The following SLC10A7 variants were observed in gnomAD, a reference collection of about 807,000 sequenced individuals.
The protein encoded by SLC10A7 is sodium/bile acid cotransporter 7.
Under a neutral mutation model 43.2 loss-of-function variants are expected in SLC10A7, and 29 were observed. That is an observed-to-expected ratio of 0.67 (90% CI 0.50 to 0.92). The LOEUF (loss-of-function observed/expected upper bound fraction) is 0.92. Ranked by LOEUF, SLC10A7 falls within the 40% of genes least tolerant of loss-of-function variation. The pLI, the probability that SLC10A7 is intolerant of heterozygous loss-of-function variation, is 0.00. For synonymous variants in SLC10A7, 152 were observed against 144.8 expected, an observed-to-expected ratio of 1.05 and a Z score of -0.35; for missense variants, 295 against 403.2, an observed-to-expected ratio of 0.73 and a Z score of 2.30.
In SLC10A7 at chr4:146,256,518, TC is replaced by T. The variant is rs1268665105; in HGVS notation, c.995del (p.Gly332GlufsTer2). 1 of 1,613,972 alleles carries T rather than the reference TC, an allele frequency of 6.2e-7. No individual in the cohort carries two copies. The highest frequency in any genetic ancestry group is 1.7e-5 in the Admixed American group (1 of 60,012). ...IKSWMVSRQK[G>X]VKLTRPTV ...ATACTGTCGGCCTTGTCAGCTTCAC[TC>T]CCTACAAGGAAGGAAAACATGTTCA... On this transcript the variant is annotated frameshift_variant and splice_region_variant, in exon 12 of 12. Transcript: ENST00000335472. LOFTEE classifies it high-confidence loss of function.
At chr4:146,277,855 T>C (rs1389786448) in intron 10 of SLC10A7, among the ~76,000 whole-genome samples, 2 of 149,630 alleles carry the variant, frequency 1.3e-5, no homozygotes, top group East Asian at 2.0e-4. Flanking sequence ...ATTTTATTAA[T>C]AATAAAGAAA....
At chr4:146,329,995 T>C (rs570084890) in intron 5 of SLC10A7, among the ~76,000 whole-genome samples, 2 of 152,184 alleles carry the variant, frequency 1.3e-5, no homozygotes, top group Non-Finnish European at 1.5e-5. Context: ...AGGTAAGACA[T>C]AGATTTAGCA....
chr4:146,515,668 G>T (rs963398279), intron 2 of SLC10A7, among the ~76,000 whole-genome samples: 17 of 152,054 alleles, frequency 1.1e-4, no homozygotes, highest in African/African-American at 4.1e-4. Context: ...CCAACACTAT[G>T]GGAGGCTGAA....
In SLC10A7 at chr4:146,306,034, A is replaced by T. The variant is rs563402884; in HGVS notation, c.472-25T>A. The T allele has an allele frequency of 8.4e-6, 13 of 1,555,136 alleles. No homozygotes were observed. The South Asian group carries it at 1.4e-4, about 17-fold the overall frequency. ...GCTGTAAAACAAGAAAATAGGAGTT[A>T]GAATTACTTCAAATCAGTTATCAAG... On this transcript the variant is annotated intron_variant, in intron 6 of 11. Coordinates refer to ENST00000335472, the MANE Select transcript of SLC10A7 (RefSeq NM_001029998.6).
At chr4:146,368,306 T>C (rs1736537665) in intron 5 of SLC10A7, among the ~76,000 whole-genome samples, 1 of 152,196 alleles carries the variant, frequency 6.6e-6, no homozygotes, top group Non-Finnish European at 1.5e-5. Flanking sequence ...CTGCAGGCAG[T>C]ACACAGCATG....
intron 5 of SLC10A7, among the ~76,000 whole-genome samples, chr4:146,404,510 G>GTT (rs1739443398): frequency 2.6e-5 from 4 of 151,598 alleles, no homozygotes; most frequent in African/African-American, 9.7e-5. Flanking sequence ...GTGTGTGTGT[G>GTT]TGTGTGACTG....
At chr4:146,520,222 G>A (rs1738495654) in intron 1 of SLC10A7, among the ~76,000 whole-genome samples, 1 of 152,142 alleles carries the variant, frequency 6.6e-6, no homozygotes, top group African/African-American at 2.4e-5. Flanking sequence ...GTGCATTGCA[G>A]ATCATGCAAA....
At chr4:146,313,620 A>G (rs1226881073) in intron 6 of SLC10A7, among the ~76,000 whole-genome samples, 3 of 152,176 alleles carry the variant, frequency 2.0e-5, no homozygotes, top group Non-Finnish European at 4.4e-5. Flanking sequence ...ATTATAAAAA[A>G]TAATTATTGT....
intron 5 of SLC10A7, among the ~76,000 whole-genome samples, chr4:146,328,339 G>C (rs1379693711): frequency 6.6e-6 from 1 of 152,154 alleles, no homozygotes; most frequent in Non-Finnish European, 1.5e-5. Flanking sequence ...ACTGGTGCTT[G>C]TGTGGACTAT....
intron 5 of SLC10A7, chr4:146,442,318 T>C (rs1359126821): frequency 2.0e-5 from 20 of 986,280 alleles, no homozygotes; most frequent in South Asian, 4.7e-5. Flanking sequence ...TTTTTTCACA[T>C]AGATTTCTCA....
chr4:146,498,073 T>C (rs1200937237), intron 4 of SLC10A7, among the ~76,000 whole-genome samples: 1 of 152,090 alleles, frequency 6.6e-6, no homozygotes, highest in African/African-American at 2.4e-5. Flanking sequence ...ATCTATCTTC[T>C]TATTTTTGGA....
At chr4:146,496,420 C>T (rs1482062364) in intron 4 of SLC10A7, among the ~76,000 whole-genome samples, 1 of 152,116 alleles carries the variant, frequency 6.6e-6, no homozygotes, top group Non-Finnish European at 1.5e-5. Context: ...CCCTCTTTCT[C>T]TTGCCTGTGA....
intron 4 of SLC10A7, among the ~76,000 whole-genome samples, chr4:146,475,173 C>T (rs909445140): frequency 6.6e-6 from 1 of 152,114 alleles, no homozygotes; most frequent in African/African-American, 2.4e-5. Flanking sequence ...AATAGCCCTT[C>T]AGCTGTAGAG....
At chr4:146,503,253 G>A (rs1195431160) in intron 4 of SLC10A7, among the ~76,000 whole-genome samples, 1 of 152,106 alleles carries the variant, frequency 6.6e-6, no homozygotes, top group African/African-American at 2.4e-5. Flanking sequence ...ACAAATGAAT[G>A]TCCGTCAGTA....
chr4:146,419,026 G>A (rs1308170785), intron 5 of SLC10A7, among the ~76,000 whole-genome samples: 2 of 152,216 alleles, frequency 1.3e-5, no homozygotes, highest in African/African-American at 4.8e-5. Flanking sequence ...ATATGCATAA[G>A]GCAAGGCATG....
intron 10 of SLC10A7, among the ~76,000 whole-genome samples, chr4:146,264,261 A>G (rs182545341): frequency 2.0e-5 from 3 of 152,340 alleles, no homozygotes; most frequent in East Asian, 1.9e-4. Flanking sequence ...TCAGTGTTCA[A>G]GCTTCAATAA....
intron 5 of SLC10A7, among the ~76,000 whole-genome samples, chr4:146,436,935 G>A (rs985296456): frequency 1.3e-5 from 2 of 152,086 alleles, no homozygotes; most frequent in East Asian, 1.9e-4. Context: ...AATTGAAAAT[G>A]TGAGTCTTAT....
chr4:146,272,670 G>A (rs1300663245), intron 10 of SLC10A7, among the ~76,000 whole-genome samples: 5 of 152,092 alleles, frequency 3.3e-5, no homozygotes, highest in African/African-American at 1.2e-4. Flanking sequence ...GTTTTTTATC[G>A]ATCTCTGTTT....
At chr4:146,283,289 C>T (rs1300830700) in intron 9 of SLC10A7, 24 bp from the exon 10 acceptor site, 1 of 1,601,222 alleles carries the variant, frequency 6.2e-7, no homozygotes, top group Non-Finnish European at 8.6e-7. Context: ...AAGATTTTGA[C>T]AAATACTTTT....
Sources: allele counts gnomAD v4.1 joint callset (sites outside exome capture counted in the v4.1 genomes callset), GRCh38; gene constraint gnomAD v4.1.1; transcripts MANE v1.5; gene names NCBI Gene and HGNC (gene_info 2026-07-23, HGNC 2026-07-21).